Variants in SGO2 observed in about 807,000 individuals in gnomAD.
SGO2 encodes shugoshin 2.
In SGO2, 68 loss-of-function variants were observed where a neutral mutation model predicts 99.5. The observed-to-expected ratio is 0.68, with a 90% confidence interval of 0.56 to 0.84. The LOEUF is 0.84. Among genes scored for constraint, SGO2 ranks in the 40% least tolerant of loss-of-function variants. SGO2 has a pLI of 0.00. For missense variants in SGO2, 1,350 were observed against 1,436.7 expected, an observed-to-expected ratio of 0.94 and a Z score of 0.97; for synonymous variants, 457 against 487.1, an observed-to-expected ratio of 0.94 and a Z score of 0.81.
intron 5 of SGO2, among the ~76,000 whole-genome samples, chr2:200,544,892 T>C (rs532010582): frequency 5.2e-4 from 79 of 152,300 alleles, no homozygotes; most frequent in African/African-American, 1.6e-3. Context: ...GGATGTATAG[T>C]GGTATCATTT....
At position 200,583,556 on chromosome 2, in the gene SGO2, A is replaced by G. The variant is rs1192785728; in HGVS notation, c.*92A>G. 25 of 1,258,876 alleles carry G rather than the reference A, an allele frequency of 2.0e-5. No homozygotes were observed. The East Asian group carries it at 6.2e-4, about 31-fold the overall frequency. The allele number at this position is 1,258,876 out of a possible 1,614,324, so 78.0% of individuals were successfully genotyped here. On this transcript the variant is annotated 3_prime_UTR_variant, in exon 9 of 9. Transcript: ENST00000357799. ...ATCAAGAAGATGAAATGCTTAATGA[A>G]AAGGTTTTTTTTTTGTTTCTTTGGC...
chr2:200,553,964 CTCTAAG>C (rs2032599478), intron 5 of SGO2, among the ~76,000 whole-genome samples: 1 of 152,170 alleles, frequency 6.6e-6, no homozygotes, highest in Non-Finnish European at 1.5e-5. Context: ...TTTATTGGCT[CTCTAAG>C]TCTAATTTGA....
intron 5 of SGO2, among the ~76,000 whole-genome samples, chr2:200,549,642 A>G (rs554629191): frequency 2.6e-5 from 4 of 152,230 alleles, no homozygotes; most frequent in Non-Finnish European, 5.9e-5. Flanking sequence ...AAAAGAAACA[A>G]GAACAAAAAC....
intron 5 of SGO2, 72 bp downstream of exon 5, chr2:200,542,736 A>G: frequency 3.0e-6 from 4 of 1,323,306 alleles, no homozygotes; most frequent in Admixed American, 1.8e-5. Context: ...GTTTGTGTGT[A>G]TTGTACAGTG....
At position 200,573,016 on chromosome 2, in the gene SGO2, T is replaced by C; in HGVS notation, c.2670T>C (p.Val890=). ...TQNILELKKY[V]TDRKSAEQNE... is the part of the protein sequence containing the mutation. Reference sequence around the variant, plus strand: ...ATATATTGGAGTTGAAAAAGTATGTTACTGATAGGAAATCTGCTGAGCAAA... The same window carrying C: ...ATATATTGGAGTTGAAAAAGTATGTCACTGATAGGAAATCTGCTGAGCAAA... The change falls in exon 7 of 9, where the codon GTT becomes GTC. Residue 890 remains valine, a synonymous_variant. Transcript: ENST00000357799. 1 of 1,572,220 alleles carries C rather than the reference T, an allele frequency of 6.4e-7. No homozygotes were observed. The highest frequency in any genetic ancestry group is 1.2e-5 in the South Asian group (1 of 82,428).
At chr2:200,563,515 T>C (rs555683503) in intron 5 of SGO2, among the ~76,000 whole-genome samples, 4 of 152,184 alleles carry the variant, frequency 2.6e-5, no homozygotes, top group Non-Finnish European at 2.9e-5. Flanking sequence ...TGGTCTAAAA[T>C]TTTCTTTTTT....
intron 5 of SGO2, among the ~76,000 whole-genome samples, chr2:200,567,000 C>G (rs1361449361): frequency 6.6e-6 from 1 of 152,208 alleles, no homozygotes; most frequent in Non-Finnish European, 1.5e-5. Context: ...AGGGAATTCC[C>G]TGACCCCTTG....
chr2:200,534,344 A>T (rs988134460), intron 2 of SGO2, among the ~76,000 whole-genome samples: 2 of 152,202 alleles, frequency 1.3e-5, no homozygotes, highest in African/African-American at 4.8e-5. Context: ...GCGTGATTTA[A>T]ATCATATTTA....
chr2:200,530,170 C>G (rs2031306312), intron 1 of SGO2, among the ~76,000 whole-genome samples: 1 of 152,128 alleles, frequency 6.6e-6, no homozygotes, highest in South Asian at 2.1e-4. Context: ...GATTAGTTCA[C>G]TGTAGGGACA....
intron 5 of SGO2, among the ~76,000 whole-genome samples, chr2:200,564,974 C>T (rs1332684960): frequency 2.0e-5 from 3 of 152,110 alleles, no homozygotes; most frequent in Admixed American, 6.6e-5. Context: ...TGAGATGGGT[C>T]TCCTGAATAC....
At chr2:200,533,534 TGTG>T (rs1334122869) in intron 2 of SGO2, among the ~76,000 whole-genome samples, 2 of 147,606 alleles carry the variant, frequency 1.4e-5, no homozygotes, top group Non-Finnish European at 3.0e-5. Context: ...TGTGTGTGTG[TGTG>T]TGTGTGTGTG....
chr2:200,573,845 G>T lies in SGO2; in HGVS notation c.3499G>T (p.Gly1167Cys), dbSNP rs200898645. ...EGLVPLSVSSGKNVIIKENFA... is the reference protein window; with the variant it reads ...EGLVPLSVSSCKNVIIKENFA... ...TTTAGTACCTTTGAGCGTTTCTTCT[G>T]GTAAAAATGTGATAATAAAAGAAAA... is the stretch of plus-strand genomic sequence containing the variant. Residue 1167 changes from glycine (G) to cysteine (C), a missense_variant, in exon 7 of 9, where the codon GGT (glycine) becomes TGT (cysteine). By Grantham distance (159) the Gly-to-Cys change is radical. Transcript: ENST00000357799. 1 of 1,613,030 alleles carries T rather than the reference G, an allele frequency of 6.2e-7. No homozygotes were observed. The highest frequency in any genetic ancestry group is 1.3e-5 in the African/African-American group (1 of 74,972).
At chr2:200,528,466 A>G (rs1158321225) in intron 1 of SGO2, among the ~76,000 whole-genome samples, 1 of 152,194 alleles carries the variant, frequency 6.6e-6, no homozygotes, top group Non-Finnish European at 1.5e-5. Context: ...TATGAAAGGA[A>G]CTTTCTGACC....
chr2:200,546,546 T>C (rs1258282602), intron 5 of SGO2, among the ~76,000 whole-genome samples: 3 of 151,978 alleles, frequency 2.0e-5, no homozygotes, highest in Non-Finnish European at 4.4e-5. Context: ...ATTTAGTGAC[T>C]GATGAAGTGG....
At chr2:200,548,335 A>G (rs1313855779) in intron 5 of SGO2, among the ~76,000 whole-genome samples, 3 of 152,118 alleles carry the variant, frequency 2.0e-5, no homozygotes, top group Non-Finnish European at 4.4e-5. Context: ...AAATACACAA[A>G]CAAATGGAAA....
At chr2:200,533,568 G>A (rs956032101) in intron 2 of SGO2, among the ~76,000 whole-genome samples, 1 of 147,570 alleles carries the variant, frequency 6.8e-6, no homozygotes, top group Admixed American at 6.8e-5. Context: ...ACTTTATATA[G>A]GCAATCTTAT....
At chr2:200,527,331 C>A (rs1487545211) in intron 1 of SGO2, among the ~76,000 whole-genome samples, 1 of 152,034 alleles carries the variant, frequency 6.6e-6, no homozygotes, top group Non-Finnish European at 1.5e-5. Context: ...ATTTGATATT[C>A]CAGACTGGAT....
At chr2:200,529,674 C>G (rs547865176) in intron 1 of SGO2, among the ~76,000 whole-genome samples, 7 of 152,238 alleles carry the variant, frequency 4.6e-5, no homozygotes, top group Admixed American at 2.0e-4. Flanking sequence ...TTACGGGCAC[C>G]TGCCACCACA....
chr2:200,582,568 C>T (rs144825398), intron 8 of SGO2, among the ~76,000 whole-genome samples: 1 of 151,992 alleles, frequency 6.6e-6, no homozygotes, highest in East Asian at 1.9e-4. Context: ...CTGGAATTCA[C>T]AATATTTCGA....
Sources: gnomAD v4.1 joint callset for allele counts (sites outside exome capture counted in the v4.1 genomes callset) on GRCh38, gnomAD v4.1.1 for gene constraint, MANE v1.5 for transcripts, NCBI Gene and HGNC (gene_info 2026-07-23, HGNC 2026-07-21) for gene names.